MAP4: variants seen among roughly 807,000 people sequenced by gnomAD.
The protein encoded by MAP4 is microtubule associated protein 4.
A neutral mutation model predicts 170.2 loss-of-function variants in MAP4; 76 were observed. The ratio of observed to expected loss-of-function variants is 0.45; its 90% confidence interval spans 0.37 to 0.54. MAP4 has a LOEUF of 0.54. Among genes scored for constraint, MAP4 ranks in the 20% least tolerant of loss-of-function variants. The probability of loss-of-function intolerance (pLI) is 0.00; values close to 1 mark genes in which losing one functional copy is unlikely to be tolerated. For missense variants in MAP4, 2,506 were observed against 2,748.0 expected (o/e 0.91, Z 1.97); for synonymous variants, 909 against 994.5 (o/e 0.91, Z 1.62).
At chr3:48,078,311 ATTT>A (rs758589017) in intron 1 of MAP4, among the ~76,000 whole-genome samples, 5 of 125,226 alleles carry the variant, frequency 4.0e-5, no homozygotes, top group African/African-American at 6.0e-5. Context: ...TGCCTGGCTA[ATTT>A]TTTTTTTTTT....
chr3:47,861,059 A>G (rs1160909982), intron 17 of MAP4, among the ~76,000 whole-genome samples: 2 of 152,144 alleles, frequency 1.3e-5, no homozygotes, highest in Non-Finnish European at 2.9e-5. Context: ...CCCTGTCTCT[A>G]CTAAAAAATA....
At chr3:48,048,861 T>C (rs2154546793) in intron 1 of MAP4, among the ~76,000 whole-genome samples, 1 of 152,286 alleles carries the variant, frequency 6.6e-6, no homozygotes, top group African/African-American at 2.4e-5. Context: ...GTATAGATTT[T>C]TATAACCACA....
intron 2 of MAP4, among the ~76,000 whole-genome samples, chr3:47,997,610 T>C (rs1380806894): frequency 6.7e-6 from 1 of 150,160 alleles, no homozygotes; most frequent in Non-Finnish European, 1.5e-5. Flanking sequence ...AACAAAGATA[T>C]GAGAAGAAAT....
At chr3:48,027,517 TA>T (rs1032367428) in intron 1 of MAP4, among the ~76,000 whole-genome samples, 59 of 152,208 alleles carry the variant, frequency 3.9e-4, no homozygotes, top group African/African-American at 1.3e-3. Context: ...CCAAAATCAG[TA>T]ATCTTTGAAT....
At chr3:47,997,326 T>TAAAAAAAAAAAAAAAAAAAGAAAA (rs2100096461) in intron 2 of MAP4, among the ~76,000 whole-genome samples, 1 of 44,994 alleles carries the variant, frequency 2.2e-5, no homozygotes, top group Non-Finnish European at 4.3e-5. Flanking sequence ...TTTAAACTGC[T>TAAAAAAAAAAAAAAAAAAAGAAAA]AAAAAAAAAA....
chr3:48,053,380 G>C (rs115262267), intron 1 of MAP4, among the ~76,000 whole-genome samples: 1 of 152,054 alleles, frequency 6.6e-6, no homozygotes, highest in Non-Finnish European at 1.5e-5. Context: ...AACACTGCTA[G>C]TATCTCCTAT....
chr3:48,059,866 G>A (rs540714928), intron 1 of MAP4, among the ~76,000 whole-genome samples: 1 of 151,934 alleles, frequency 6.6e-6, no homozygotes, highest in Non-Finnish European at 1.5e-5. Context: ...TGTAATCCCA[G>A]CAACTCAGGA....
At chr3:47,936,558 A>G (rs1273693668) in intron 3 of MAP4, among the ~76,000 whole-genome samples, 1 of 152,250 alleles carries the variant, frequency 6.6e-6, no homozygotes, top group Non-Finnish European at 1.5e-5. Context: ...ATACAAATAT[A>G]CAATGCCTAG....
chr3:47,915,253 A>G (rs1337276178), intron 7 of MAP4, among the ~76,000 whole-genome samples: 5 of 151,566 alleles, frequency 3.3e-5, no homozygotes, highest in African/African-American at 1.2e-4. Context: ...AGTAGCTGGG[A>G]TTACAGGCAT....
chr3:48,062,851 G>A lies in MAP4; in HGVS notation c.-20+25922C>T, dbSNP rs562349942. Reference sequence around the variant, plus strand: ...AGGAAGGAGAATCACTTGAACCTGGGAGGCGGGAGGTTGTTGTGAGCCAAG... The same window carrying A: ...AGGAAGGAGAATCACTTGAACCTGGAAGGCGGGAGGTTGTTGTGAGCCAAG... On this transcript the variant is annotated intron_variant, in intron 1 of 18. Transcript: ENST00000360240. 2.0e-4 allele frequency among the ~76,000 whole-genome samples: 30 copies of A among 151,604 alleles called. No individual in the cohort carries two copies. In the South Asian group the frequency reaches 5.8e-3, roughly 29 times the overall value.
At chr3:47,883,843 C>A (rs1263822861) in intron 10 of MAP4, among the ~76,000 whole-genome samples, 2 of 152,010 alleles carry the variant, frequency 1.3e-5, no homozygotes. Flanking sequence ...AATGCTGTTT[C>A]CTCAGCACCA....
In MAP4 at chr3:47,855,444, T is replaced by A; in HGVS notation, c.6584-84A>T. The stretch of plus-strand genomic sequence containing the variant: ...ACCAGGACTAGCGATATGCCCAATC[T>A]AGAAATGAGACAGACGTGACCTGTT... On this transcript the variant is annotated intron_variant, in intron 18 of 20. Coordinates refer to ENST00000683076, the MANE Select transcript of MAP4 (RefSeq NM_001385682.1). The surrounding 1 kb of genome is among the most constrained non-coding windows in gnomAD (Gnocchi z 5.1). 2 of 827,294 alleles carry A rather than the reference T, an allele frequency of 2.4e-6. No homozygotes were observed. The highest frequency in any genetic ancestry group is 4.3e-6 in the Non-Finnish European group (2 of 469,058). The allele number at this position is 827,294 out of a possible 1,614,324, so 51.2% of individuals were successfully genotyped here.
Position 47,909,251 on chromosome 3 carries a change from G to A in MAP4, c.5170C>T (p.Pro1724Ser), listed in dbSNP as rs1320547887. 1 of 1,613,708 alleles carries A rather than the reference G, an allele frequency of 6.2e-7. No homozygotes were observed. Among genetic ancestry groups the A allele is most frequent in the Admixed American group, 1.7e-5 (1 of 59,970 alleles). ...IMTASKGVRL[P>S]EPKDKILETP... ...TCCAAAATCTTATCTTTGGGTTCTGGGAGTCGAACACCCTTGGAAGCAGTC... is the reference window on the plus strand; with the variant it reads ...TCCAAAATCTTATCTTTGGGTTCTGAGAGTCGAACACCCTTGGAAGCAGTC... Residue 1724 changes from proline (P) to serine (S), a missense_variant, in exon 9 of 21, where the codon CCA (proline) becomes TCA (serine). Pro to Ser is a moderately conservative substitution (Grantham distance 74). Coordinates refer to ENST00000683076, the MANE Select transcript of MAP4 (RefSeq NM_001385682.1).
At chr3:47,938,240 C>T (rs1283958404) in intron 3 of MAP4, among the ~76,000 whole-genome samples, 4 of 151,894 alleles carry the variant, frequency 2.6e-5, no homozygotes, top group African/African-American at 7.3e-5. Context: ...CGCATGGTGG[C>T]GCACACCTGT....
Position 47,911,858 on chromosome 3 carries a change from T to C in MAP4, c.2563A>G (p.Arg855Gly). The C allele has an allele frequency of 6.5e-7, 1 of 1,536,166 alleles. No homozygotes were observed. Among genetic ancestry groups the C allele is most frequent in the South Asian group, 1.2e-5 (1 of 84,064 alleles). The change falls in exon 9 of 21, where the codon AGA becomes GGA. Residue 855 changes from arginine (R) to glycine (G), a missense_variant. Around this residue, in one of 3 missense-constraint regions of MAP4, gnomAD observed 2,008 missense variants for 2,206.0 expected, o/e 0.91. Transcript: ENST00000683076. The surrounding 1 kb of genome is among the most constrained non-coding windows in gnomAD (Gnocchi z 4.0). ...VAENFVSESL[R>G]IPLYPSEEAP... ...TCTTCAGAAGGATATAAAGGAATTC[T>C]GAGACTCTCTGAGACAAAGTTCTCA...
At position 47,909,977 on chromosome 3, in the gene MAP4, A is replaced by T; in HGVS notation, c.4444T>A (p.Tyr1482Asn). The stretch of plus-strand genomic sequence containing the variant: ...TGACCTGGGACTCCATCTTTGGTGT[A>T]GTTATCTACCATTAATGATTTGGAA... The part of the protein sequence containing the change: ...QISKSLMVDN[Y>N]TKDGVPGQER... The change falls in exon 9 of 21, where the codon TAC (tyrosine) becomes AAC (asparagine). Residue 1482 changes from tyrosine to asparagine, a missense_variant. Coordinates refer to ENST00000683076, the MANE Select transcript of MAP4 (RefSeq NM_001385682.1). 1 of 1,613,996 alleles carries T rather than the reference A, an allele frequency of 6.2e-7. No individual in the cohort carries two copies. Among genetic ancestry groups the T allele is most frequent in the Admixed American group, 1.7e-5 (1 of 60,018 alleles).
chr3:47,981,108 G>C (rs1297688969), intron 2 of MAP4, among the ~76,000 whole-genome samples: 3 of 152,154 alleles, frequency 2.0e-5, no homozygotes, highest in Non-Finnish European at 4.4e-5. Flanking sequence ...GTATAAAAAA[G>C]TGAATATAAA....
intron 1 of MAP4, among the ~76,000 whole-genome samples, chr3:48,049,953 T>A (rs1008337091): frequency 1.0e-4 from 15 of 149,174 alleles, no homozygotes; most frequent in African/African-American, 3.5e-4. Context: ...AAAAATAAAT[T>A]AATTAAATTA....
chr3:47,915,747 C>G (rs1216447722), intron 7 of MAP4, among the ~76,000 whole-genome samples: 2 of 152,134 alleles, frequency 1.3e-5, no homozygotes, highest in African/African-American at 4.8e-5. Flanking sequence ...ACAGGACAAT[C>G]AGCAGAGAAT....
Sources: gnomAD v4.1 joint callset for allele counts (sites outside exome capture counted in the v4.1 genomes callset) on GRCh38, gnomAD v4.1.1 for gene constraint, gnomAD v4.1.1 regional missense constraint, Gnocchi (gnomAD v3.1) non-coding constraint, MANE v1.5 for transcripts, NCBI Gene and HGNC (gene_info 2026-07-23, HGNC 2026-07-21) for gene names.